The following EPB41L4A variants were observed in gnomAD, a reference collection of about 807,000 sequenced individuals.
EPB41L4A encodes the protein band 4.1-like protein 4A.
A neutral mutation model predicts 108.6 loss-of-function variants in EPB41L4A; 100 were observed. The observed-to-expected ratio is 0.92, with a 90% CI of 0.78 to 1.09. The LOEUF is 1.09. Among genes scored for constraint, EPB41L4A ranks in the 50% least tolerant of loss-of-function variants. The pLI, the probability that EPB41L4A is intolerant of heterozygous loss-of-function variation, is 0.00. For missense variants in EPB41L4A, 1,030 were observed against 842.7 expected, an observed-to-expected ratio of 1.22 and a Z score of -2.75; for synonymous variants, 319 against 289.0, an observed-to-expected ratio of 1.10 and a Z score of -1.05.
intron 2 of EPB41L4A, among the ~76,000 whole-genome samples, chr5:112,301,492 G>C (rs1373177025): frequency 4.6e-5 from 7 of 152,254 alleles, no homozygotes; most frequent in Admixed American, 2.6e-4. Context: ...AGAGTCCTGT[G>C]ATGTGAACCA....
chr5:112,416,306 C>A (rs959135485), intron 1 of EPB41L4A, among the ~76,000 whole-genome samples: 21 of 152,112 alleles, frequency 1.4e-4, no homozygotes, highest in African/African-American at 5.1e-4. Flanking sequence ...TATAATTAAT[C>A]TTTTCTAATT....
intron 1 of EPB41L4A, among the ~76,000 whole-genome samples, chr5:112,307,773 T>C (rs1372061003): frequency 6.6e-6 from 1 of 152,170 alleles, no homozygotes; most frequent in African/African-American, 2.4e-5. Context: ...CAGGACAAAA[T>C]TCTTCTTTTA....
At chr5:112,251,660 G>C (rs1355089767) in intron 9 of EPB41L4A, among the ~76,000 whole-genome samples, 3 of 152,188 alleles carry the variant, frequency 2.0e-5, no homozygotes, top group Non-Finnish European at 4.4e-5. Flanking sequence ...AAGCATGGCG[G>C]AACAGGGTGG....
At chr5:112,225,253 C>T (rs1330586232) in intron 12 of EPB41L4A, among the ~76,000 whole-genome samples, 4 of 152,214 alleles carry the variant, frequency 2.6e-5, no homozygotes, top group South Asian at 2.1e-4. Context: ...TGAAATGGAG[C>T]ACCCTCTGGC....
Position 112,195,566 on chromosome 5 carries a change from A to T in EPB41L4A, c.1424+95T>A, listed in dbSNP as rs919542197. On this transcript the variant is annotated intron_variant, in intron 16 of 22. Transcript: ENST00000261486. ...GCTTTTGAAAGTAAAAAAAATAAAA[A>T]AAAATAATGCCCCCGCTCTTTCCTT... is the stretch of plus-strand genomic sequence containing the variant. 1.4e-5 allele frequency: 15 copies of T among 1,073,154 alleles called. No individual in the cohort carries two copies. The Admixed American group carries it at 3.2e-4, about 23-fold the overall frequency. 66.5% of individuals were successfully genotyped at this position (1,073,154 alleles called of 1,614,324 possible).
intron 12 of EPB41L4A, among the ~76,000 whole-genome samples, chr5:112,218,923 T>C (rs546380443): frequency 6.6e-6 from 1 of 152,306 alleles, no homozygotes; most frequent in South Asian, 2.1e-4. Flanking sequence ...GAAGTATAAA[T>C]ATGACATTAA....
intron 1 of EPB41L4A, among the ~76,000 whole-genome samples, chr5:112,315,595 C>T (rs1311598615): frequency 6.6e-6 from 1 of 152,098 alleles, no homozygotes; most frequent in African/African-American, 2.4e-5. Context: ...TTACTTTTAA[C>T]TTTAAAATAC....
chr5:112,230,284 T>C (rs906685096), intron 12 of EPB41L4A, among the ~76,000 whole-genome samples: 2 of 152,242 alleles, frequency 1.3e-5, no homozygotes, highest in African/African-American at 2.4e-5. Flanking sequence ...GCTCTACTTT[T>C]AGTTCTTTAA....
At chr5:112,333,755 A>G (rs1756739315) in intron 1 of EPB41L4A, among the ~76,000 whole-genome samples, 1 of 152,188 alleles carries the variant, frequency 6.6e-6, no homozygotes, top group Non-Finnish European at 1.5e-5. Flanking sequence ...CTTTTCTGGC[A>G]ACCCGGCTGT....
chr5:112,419,245 C>T lies in EPB41L4A; in HGVS notation c.-206G>A. On this transcript the variant is annotated 5_prime_UTR_variant, in exon 1 of 23. Coordinates refer to ENST00000261486, the MANE Select transcript of EPB41L4A (RefSeq NM_022140.5). ...GCGGAAAAGCCCGGGAGAGTCAGCG[C>T]CCGGGAGCCGCCGGGGAAGCGCCGG... 2.4e-6 allele frequency: 1 copy of T among 421,468 alleles called. No individual in the cohort carries two copies. Among genetic ancestry groups the T allele is most frequent in the Non-Finnish European group, 4.2e-6 (1 of 237,810 alleles). The allele number at this position is 421,468 out of a possible 1,614,324, so 26.1% of individuals were successfully genotyped here.
At chr5:112,220,924 AAT>A (rs1312049072) in intron 12 of EPB41L4A, among the ~76,000 whole-genome samples, 1 of 152,154 alleles carries the variant, frequency 6.6e-6, no homozygotes, top group Non-Finnish European at 1.5e-5. Context: ...TTACCATTAG[AAT>A]ATACCCTTTT....
At chr5:112,288,668 C>T (rs548411748) in intron 2 of EPB41L4A, among the ~76,000 whole-genome samples, 2 of 152,256 alleles carry the variant, frequency 1.3e-5, no homozygotes, top group African/African-American at 4.8e-5. Context: ...AGCATTTATA[C>T]TGGTTATCCT....
intron 1 of EPB41L4A, among the ~76,000 whole-genome samples, chr5:112,377,644 G>A (rs1007422608): frequency 1.1e-4 from 16 of 151,992 alleles, no homozygotes; most frequent in Admixed American, 8.5e-4. Flanking sequence ...TTCCCATGGC[G>A]ACCCTCAACA....
At chr5:112,161,275 G>A, downstream of EPB41L4A, 1 of 334,214 alleles carries the variant, frequency 3.0e-6, no homozygotes, top group Non-Finnish European at 5.9e-6. Context: ...TGCTCGTCGG[G>A]AGTGATCACC....
At chr5:112,378,234 T>A (rs987586894) in intron 1 of EPB41L4A, among the ~76,000 whole-genome samples, 1 of 151,402 alleles carries the variant, frequency 6.6e-6, no homozygotes, top group Non-Finnish European at 1.5e-5. Context: ...ACCATCTGCA[T>A]CCTATCTTGG....
At chr5:112,192,752 C>T (rs1383324162) in intron 17 of EPB41L4A, among the ~76,000 whole-genome samples, 3 of 152,156 alleles carry the variant, frequency 2.0e-5, no homozygotes, top group African/African-American at 4.8e-5. Context: ...GCGAATGGTA[C>T]TGTGAGCAAT....
intron 1 of EPB41L4A, among the ~76,000 whole-genome samples, chr5:112,335,611 T>A (rs948760568): frequency 6.6e-5 from 10 of 152,198 alleles, no homozygotes; most frequent in African/African-American, 1.9e-4. Context: ...ACCATGGCTC[T>A]CCACCTCCAC....
chr5:112,416,811 T>C (rs919257838), intron 1 of EPB41L4A, among the ~76,000 whole-genome samples: 3 of 152,218 alleles, frequency 2.0e-5, no homozygotes, highest in Non-Finnish European at 2.9e-5. Flanking sequence ...GTTCATCCAA[T>C]GTTTGAATAC....
At chr5:112,333,987 G>A (rs1188236355) in intron 1 of EPB41L4A, among the ~76,000 whole-genome samples, 1 of 152,144 alleles carries the variant, frequency 6.6e-6, no homozygotes, top group Non-Finnish European at 1.5e-5. Context: ...TCTCATCCAA[G>A]GGGACCCAGT....
Sources: allele counts gnomAD v4.1 joint callset (sites outside exome capture counted in the v4.1 genomes callset), GRCh38; gene constraint gnomAD v4.1.1; transcripts MANE v1.5; gene names NCBI Gene and HGNC (gene_info 2026-07-23, HGNC 2026-07-21).